TCF12: variants seen among roughly 807,000 people sequenced by gnomAD.
TCF12 encodes DNA-binding protein HTF4.
Under a neutral mutation model 86.0 loss-of-function variants are expected in TCF12, and 45 were observed. The ratio of observed to expected loss-of-function variants is 0.52; its 90% CI spans 0.41 to 0.67. The LOEUF is 0.67. Among genes scored for constraint, TCF12 ranks in the 30% least tolerant of loss-of-function variants. The pLI is 0.00. For synonymous variants in TCF12, 330 were observed against 299.6 expected, an observed-to-expected ratio of 1.10 and a Z score of -1.05; for missense variants, 881 against 859.9, an observed-to-expected ratio of 1.02 and a Z score of -0.31.
At chr15:56,940,765 C>T (rs74668253) in intron 3 of TCF12, among the ~76,000 whole-genome samples, 5,561 of 121,132 alleles carry the variant, frequency 0.046, 337 homozygotes, top group Admixed American at 0.2. Context: ...TTCTCCTTCT[C>T]CTTCTTCTGA....
chr15:57,153,255 T>C (rs1285618328), intron 5 of TCF12, among the ~76,000 whole-genome samples: 1 of 152,218 alleles, frequency 6.6e-6, no homozygotes, highest in African/African-American at 2.4e-5. Flanking sequence ...GCAAACTTTT[T>C]TCATAGAGAG....
In TCF12 at chr15:57,037,299, G is replaced by A. The variant is rs562690218; in HGVS notation, c.149-26451G>A. Among the ~76,000 whole-genome samples, 11 of 152,098 alleles carry A rather than the reference G, an allele frequency of 7.2e-5. No homozygotes were observed. The East Asian group carries it at 1.4e-3, about 19-fold the overall frequency. On this transcript the variant is annotated intron_variant, in intron 3 of 20. Coordinates refer to ENST00000333725, the MANE Select transcript of TCF12 (RefSeq NM_207037.2). ...CCCCATCTTTACTAAAAATTAGCTG[G>A]GTGTGGTTCCTCACGCCTGTAATCC...
intron 13 of TCF12, among the ~76,000 whole-genome samples, chr15:57,246,585 A>T (rs561649854): frequency 1.8e-4 from 27 of 151,204 alleles, no homozygotes; most frequent in African/African-American, 5.8e-4. Flanking sequence ...TTTTTTTTTT[A>T]AAGTTAAAAA....
At chr15:57,182,992 C>G (rs945964641) in intron 6 of TCF12, among the ~76,000 whole-genome samples, 2 of 152,056 alleles carry the variant, frequency 1.3e-5, no homozygotes, top group African/African-American at 4.8e-5. Flanking sequence ...CTGAGCAGAC[C>G]TAGATTCAAA....
rs187880617 is a variant in TCF12 at position 57,143,096 on chromosome 15, C to G, written c.326-23306C>G. On this transcript the variant is annotated intron_variant, in intron 5 of 20. Coordinates refer to ENST00000333725, the MANE Select transcript of TCF12 (RefSeq NM_207037.2). Reference sequence around the variant, plus strand: ...CCCTGACATCATTATTATGCATTGCCTACCTTTACCAAAATACTTGATGTA... The same window carrying G: ...CCCTGACATCATTATTATGCATTGCGTACCTTTACCAAAATACTTGATGTA... Among the ~76,000 whole-genome samples the G allele has an allele frequency of 3.8e-3, 572 of 150,942 alleles. 2 individuals are homozygous for G. The highest frequency in any genetic ancestry group is 0.013 in the African/African-American group (544 of 41,098).
At chr15:57,107,028 C>T (rs768850394) in intron 5 of TCF12, among the ~76,000 whole-genome samples, 3 of 152,198 alleles carry the variant, frequency 2.0e-5, no homozygotes, top group Non-Finnish European at 2.9e-5. Context: ...CAAAACAAAA[C>T]ATGCTCTTAC....
chr15:56,989,532 G>T (rs966660231), intron 3 of TCF12, among the ~76,000 whole-genome samples: 5 of 152,158 alleles, frequency 3.3e-5, no homozygotes, highest in Non-Finnish European at 5.9e-5. Flanking sequence ...TGCTTATATT[G>T]TGTTTATATT....
At chr15:57,184,144 CAAA>C (rs567127840) in intron 6 of TCF12, among the ~76,000 whole-genome samples, 1 of 139,476 alleles carries the variant, frequency 7.2e-6, no homozygotes, top group Non-Finnish European at 1.6e-5. Flanking sequence ...GATTAGCAGC[CAAA>C]AAAAAAAAAG....
intron 16 of TCF12, among the ~76,000 whole-genome samples, chr15:57,256,822 G>A (rs901009082): frequency 3.3e-5 from 5 of 152,126 alleles, no homozygotes; most frequent in South Asian, 2.1e-4. Flanking sequence ...TCTGATAAAC[G>A]TAGATATTTT....
chr15:57,248,082 G>C (rs1055313121), intron 13 of TCF12: 1 of 702,640 alleles, frequency 1.4e-6, no homozygotes, highest in Non-Finnish European at 2.6e-6. Flanking sequence ...TCCAACTCAA[G>C]TTCAGTATCC....
intron 5 of TCF12, among the ~76,000 whole-genome samples, chr15:57,116,452 G>C (rs2703624): frequency 0.9 from 137,055 of 152,152 alleles, 62,060 homozygotes; most frequent in East Asian, 0.97. Flanking sequence ...CTCAAGAGAT[G>C]CTCCCACCTC....
chr15:57,023,213 T>C (rs2065604951), intron 3 of TCF12, among the ~76,000 whole-genome samples: 1 of 152,218 alleles, frequency 6.6e-6, no homozygotes, highest in Non-Finnish European at 1.5e-5. Context: ...AGATTATTTT[T>C]TAAGTATGGA....
chr15:57,024,021 A>G, intron 3 of TCF12, among the ~76,000 whole-genome samples: 1 of 152,030 alleles, frequency 6.6e-6, no homozygotes, highest in East Asian at 1.9e-4. Context: ...AATGCTCTCT[A>G]CCCACTGCTT....
intron 6 of TCF12, among the ~76,000 whole-genome samples, chr15:57,176,418 A>G (rs1171258295): frequency 6.6e-6 from 1 of 152,206 alleles, no homozygotes; most frequent in Non-Finnish European, 1.5e-5. Flanking sequence ...TGGTTGAATC[A>G]ATATAGTGAT....
chr15:57,179,158 C>A (rs1005482606), intron 6 of TCF12, among the ~76,000 whole-genome samples: 9 of 152,066 alleles, frequency 5.9e-5, no homozygotes, highest in Non-Finnish European at 1.3e-4. Context: ...TGTAATATTA[C>A]ATGCATAGTT....
At chr15:57,159,208 C>T (rs1180309004) in intron 5 of TCF12, among the ~76,000 whole-genome samples, 7 of 152,142 alleles carry the variant, frequency 4.6e-5, no homozygotes, top group African/African-American at 1.4e-4. Context: ...TGATGTTAAG[C>T]GACATGTTAC....
intron 3 of TCF12, among the ~76,000 whole-genome samples, chr15:57,059,597 T>C (rs2068298103): frequency 6.6e-6 from 1 of 152,112 alleles, no homozygotes; most frequent in Non-Finnish European, 1.5e-5. Context: ...GGTGTTCATG[T>C]CAGCAGGTTT....
intron 5 of TCF12, among the ~76,000 whole-genome samples, chr15:57,105,014 C>T (rs1389758151): frequency 6.6e-6 from 1 of 151,376 alleles, no homozygotes; most frequent in African/African-American, 2.4e-5. Flanking sequence ...GCTGGGATTA[C>T]AGGTGCCCAC....
chr15:57,205,999 A>G (rs1162682196), intron 8 of TCF12, among the ~76,000 whole-genome samples: 5 of 152,156 alleles, frequency 3.3e-5, no homozygotes, highest in African/African-American at 1.2e-4. Context: ...CATTTCATTT[A>G]CAGGTAGCTT....
Sources: gnomAD v4.1 joint callset for allele counts (sites outside exome capture counted in the v4.1 genomes callset) on GRCh38, gnomAD v4.1.1 for gene constraint, MANE v1.5 for transcripts, NCBI Gene and HGNC (gene_info 2026-07-23, HGNC 2026-07-21) for gene names.